TRAF5: variants seen among roughly 807,000 people sequenced by gnomAD.
TRAF5 encodes the protein TNF receptor-associated factor 5.
A neutral mutation model predicts 64.5 loss-of-function variants in TRAF5; 48 were observed. The ratio of observed to expected loss-of-function variants is 0.74; its 90% CI spans 0.59 to 0.95. The LOEUF (loss-of-function observed/expected upper bound fraction) is 0.95. TRAF5 is among the 40% of genes least tolerant of loss of function. The probability of loss-of-function intolerance (pLI) is 0.00; values close to 1 mark genes in which losing one functional copy is unlikely to be tolerated. For missense variants in TRAF5, 545 were observed against 662.8 expected (o/e 0.82, Z 1.95); for synonymous variants, 206 against 240.5 (o/e 0.86, Z 1.33).
At chr1:211,331,602 A>AG (rs1014762506) in intron 1 of TRAF5, among the ~76,000 whole-genome samples, 4 of 152,118 alleles carry the variant, frequency 2.6e-5, no homozygotes, top group African/African-American at 4.8e-5. Context: ...CTGCATGCCT[A>AG]GCCTAAAGGC....
intron 7 of TRAF5, among the ~76,000 whole-genome samples, chr1:211,362,373 T>C (rs1023400231): frequency 2.6e-5 from 4 of 152,034 alleles, no homozygotes; most frequent in African/African-American, 9.6e-5. Context: ...GAAGGAAAAA[T>C]GAGTGAATTT....
At position 211,374,420 on chromosome 1, in the gene TRAF5, T is replaced by G. The variant is rs1386625121; in HGVS notation, c.*1718T>G. The G allele has an allele frequency of 6.6e-6, 1 of 151,844 alleles. No homozygotes were observed. The highest frequency in any genetic ancestry group is 1.5e-5 in the Non-Finnish European group (1 of 68,026). The allele number at this position is 151,844 out of a possible 1,614,324, so 9.4% of individuals were successfully genotyped here. A position where few individuals can be genotyped will look rare whatever the true frequency, so the allele number is the denominator to read the frequency against. On this transcript the variant is annotated 3_prime_UTR_variant, in exon 11 of 11. Coordinates refer to ENST00000261464, the MANE Select transcript of TRAF5 (RefSeq NM_001033910.3). ...GTTAACCCTATAGAAGCATGCTTTA[T>G]ATGAGTGTCTTCTGGGAAGAGGAAC...
chr1:211,365,310 T>A, intron 7 of TRAF5, 66 bp from the exon 8 acceptor site: 1 of 1,326,778 alleles, frequency 7.5e-7, no homozygotes, highest in Non-Finnish European at 1.1e-6. Flanking sequence ...TAGCAGAATA[T>A]CCTACCACCT....
intron 9 of TRAF5, 55 bp downstream of exon 9, chr1:211,369,647 A>G: frequency 6.8e-7 from 1 of 1,475,940 alleles, no homozygotes; most frequent in South Asian, 1.4e-5. Context: ...TTGCAGTGAG[A>G]GTTTTTCTTT....
rs373131975 is a variant in TRAF5, at chr1:211,349,034, TAAAAAAAAA to T, written c.-1-4189_-1-4181del. Among the ~76,000 whole-genome samples the T allele has an allele frequency of 3.9e-4, 33 of 84,668 alleles. 1 individual carries two copies. The highest frequency in any genetic ancestry group is 1.6e-3 in the African/African-American group (32 of 20,300). 55.5% of individuals were successfully genotyped at this position (84,668 alleles called of 152,430 possible). A position where few individuals can be genotyped will look rare whatever the true frequency, so the allele number is the denominator to read the frequency against. ...GGGCAACATAGTGAGACTCTGTCTC[TAAAAAAAAA>T]AAAAAAAAAAAAAAATTAGCCAGGC... On this transcript the variant is annotated intron_variant, in intron 1 of 10. Transcript: ENST00000261464.
intron 1 of TRAF5, among the ~76,000 whole-genome samples, chr1:211,331,867 A>G (rs1292430990): frequency 1.3e-5 from 2 of 152,130 alleles, no homozygotes; most frequent in Admixed American, 1.3e-4. Context: ...GGGTTTCACC[A>G]TGTTGGGCAG....
At chr1:211,340,432 GCA>G (rs1369583950) in intron 1 of TRAF5, among the ~76,000 whole-genome samples, 1 of 152,098 alleles carries the variant, frequency 6.6e-6, no homozygotes, top group East Asian at 1.9e-4. Context: ...TTACAGGTGT[GCA>G]CCACCACGCC....
At chr1:211,368,533 C>G (rs1703425654) in intron 8 of TRAF5, among the ~76,000 whole-genome samples, 6 of 152,042 alleles carry the variant, frequency 3.9e-5, no homozygotes, top group Admixed American at 2.6e-4. Context: ...AGAGCAGGAC[C>G]AGTTAGAAAG....
At chr1:211,339,083 C>T (rs1009527737) in intron 1 of TRAF5, among the ~76,000 whole-genome samples, 5 of 152,290 alleles carry the variant, frequency 3.3e-5, no homozygotes, top group East Asian at 1.9e-4. Flanking sequence ...GCACTGGCTT[C>T]GGAGTCAGAA....
At chr1:211,340,852 C>T (rs1053854854) in intron 1 of TRAF5, among the ~76,000 whole-genome samples, 1 of 152,234 alleles carries the variant, frequency 6.6e-6, no homozygotes, top group Non-Finnish European at 1.5e-5. Context: ...TCTTCGCAGC[C>T]TCCACAATCG....
rs750818217 is a variant in TRAF5, at chr1:211,356,408, A to C, written c.318A>C (p.Leu106Phe). ...DNCCKREVLN[L>F]YVYCSNAPGC... ...GTTGCAAAAGAGAAGTCCTCAACTT[A>C]TATGTATATTGCAGCAATGCTCCTG... is the stretch of plus-strand genomic sequence containing the variant. The change falls in exon 4 of 11, where the codon TTA becomes TTC. Residue 106 changes from leucine (L) to phenylalanine (F), a missense_variant. Leu to Phe is a conservative substitution (Grantham distance 22). Transcript: ENST00000261464. 2.2e-5 allele frequency: 35 copies of C among 1,614,038 alleles called. No homozygotes were observed. Among genetic ancestry groups the C allele is most frequent in the Non-Finnish European group, 2.5e-5 (30 of 1,179,996 alleles).
At chr1:211,365,321 C>A in intron 7 of TRAF5, 55 bp from the exon 8 acceptor site, 1 of 1,454,864 alleles carries the variant, frequency 6.9e-7, no homozygotes, top group Non-Finnish European at 9.5e-7. Flanking sequence ...CCTACCACCT[C>A]TTTCATTTTT....
intron 1 of TRAF5, among the ~76,000 whole-genome samples, chr1:211,327,772 G>C (rs1012185834): frequency 6.6e-6 from 1 of 152,234 alleles, no homozygotes; most frequent in African/African-American, 2.4e-5. Flanking sequence ...CGCTGTGGCA[G>C]GCAGAGCTGC....
chr1:211,364,099 C>A (rs1244576831), intron 7 of TRAF5, among the ~76,000 whole-genome samples: 1 of 151,988 alleles, frequency 6.6e-6, no homozygotes, highest in Non-Finnish European at 1.5e-5. Context: ...CAACCCTAAC[C>A]CGAATGAAAA....
chr1:211,364,665 G>A lies in TRAF5; in HGVS notation c.697-711G>A, dbSNP rs144081386. On this transcript the variant is annotated intron_variant, in intron 7 of 10. Coordinates refer to ENST00000261464, the MANE Select transcript of TRAF5 (RefSeq NM_001033910.3). Reference sequence around the variant, plus strand: ...TGTGCCACCATACTCCAGCCTGGGCGACAGAGCAAGACTCCATCTCAAAAA... The same window carrying A: ...TGTGCCACCATACTCCAGCCTGGGCAACAGAGCAAGACTCCATCTCAAAAA... Among the ~76,000 whole-genome samples, 554 of 143,294 alleles carry A rather than the reference G, an allele frequency of 3.9e-3. 4 individuals are homozygous for A. Among genetic ancestry groups the A allele is most frequent in the African/African-American group, 0.014 (533 of 38,294 alleles). The allele number at this position is 143,294 out of a possible 152,430, so 94.0% of individuals were successfully genotyped here.
intron 4 of TRAF5, chr1:211,358,480 A>G (rs1483711241): frequency 7.4e-6 from 1 of 134,858 alleles, no homozygotes; most frequent in Non-Finnish European, 1.7e-5. Flanking sequence ...CTGTCTAAAA[A>G]AAAAAAAAAA....
At chr1:211,361,469 T>C (rs1419330669) in intron 7 of TRAF5, among the ~76,000 whole-genome samples, 1 of 152,140 alleles carries the variant, frequency 6.6e-6, no homozygotes, top group Non-Finnish European at 1.5e-5. Flanking sequence ...GAAGCATTTT[T>C]TTCTTCAGGA....
At chr1:211,357,257 A>AT (rs1702998410) in intron 4 of TRAF5, 1 of 152,180 alleles carries the variant, frequency 6.6e-6, no homozygotes, top group Non-Finnish European at 1.5e-5. Flanking sequence ...TGGAACACAT[A>AT]TTTCAGATGA....
intron 1 of TRAF5, among the ~76,000 whole-genome samples, chr1:211,334,694 T>C (rs1702245251): frequency 6.6e-6 from 1 of 152,038 alleles, no homozygotes; most frequent in African/African-American, 2.4e-5. Context: ...ACACATTGTT[T>C]ACCTAGATGG....
Sources: gnomAD v4.1 joint callset for allele counts (sites outside exome capture counted in the v4.1 genomes callset) on GRCh38, gnomAD v4.1.1 for gene constraint, MANE v1.5 for transcripts, NCBI Gene and HGNC (gene_info 2026-07-23, HGNC 2026-07-21) for gene names.